PLPPR4: variants seen among roughly 807,000 people sequenced by gnomAD.
PLPPR4 encodes phospholipid phosphatase related 4.
PLPPR4 carries 24 observed loss-of-function variants against 56.6 expected under a neutral mutation model. The observed-to-expected ratio is 0.42, with a 90% CI of 0.31 to 0.60. The LOEUF (loss-of-function observed/expected upper bound fraction) is 0.60. Among genes scored for constraint, PLPPR4 ranks in the 20% least tolerant of loss-of-function variants. PLPPR4 has a pLI of 0.13. For synonymous variants in PLPPR4, 326 were observed against 328.1 expected (o/e 0.99, Z 0.07); for missense variants, 654 against 885.8 (o/e 0.74, Z 3.32).
chr1:99,264,927 T>C (rs532637191), intron 1 of PLPPR4, among the ~76,000 whole-genome samples: 41 of 152,038 alleles, frequency 2.7e-4, no homozygotes, highest in African/African-American at 7.0e-4. Context: ...CCTGTGTGAG[T>C]GAGTGTGGTT....
chr1:99,300,821 G>T, intron 4 of PLPPR4, 88 bp from the exon 5 acceptor site: 2 of 999,190 alleles, frequency 2.0e-6, no homozygotes, highest in South Asian at 1.3e-5. Context: ...CTTTTAAGTT[G>T]AACATTTTAA....
At chr1:99,305,629 A>T in intron 6 of PLPPR4, 56 bp from the exon 7 acceptor site, 7 of 1,550,604 alleles carry the variant, frequency 4.5e-6, no homozygotes, top group Non-Finnish European at 5.2e-6. Flanking sequence ...ACTCTAAGGA[A>T]ACCCTAGTGA....
chr1:99,304,155 G>A (rs1270295848), intron 6 of PLPPR4, among the ~76,000 whole-genome samples: 1 of 152,224 alleles, frequency 6.6e-6, no homozygotes, highest in Non-Finnish European at 1.5e-5. Context: ...GTCAACCATG[G>A]ACCCCATATA....
Position 99,306,921 on chromosome 1 carries a change from A to G in PLPPR4, c.2059A>G (p.Ile687Val). Residue 687 changes from isoleucine to valine, a missense_variant, in exon 7 of 7, where the codon ATT becomes GTT. Around this residue, in one of 2 missense-constraint regions of PLPPR4, gnomAD observed 468 missense variants for 554.3 expected, o/e 0.84. Transcript: ENST00000370185. This position sits in a 1 kb window ranked among gnomAD's most constrained non-coding sequence, Gnocchi z 4.0. ...CACCCTGCGGAGAAAGGGCAATATCATTCTAATCCCTGAAAGAAGCAACAG... is the reference window on the plus strand; with the variant it reads ...CACCCTGCGGAGAAAGGGCAATATCGTTCTAATCCCTGAAAGAAGCAACAG... The part of the protein sequence containing the change: ...DSTLRRKGNI[I>V]LIPERSNSPE... The G allele has an allele frequency of 6.2e-7, 1 of 1,614,088 alleles. No homozygotes were observed. Among genetic ancestry groups the G allele is most frequent in the African/African-American group, 1.3e-5 (1 of 75,042 alleles).
rs1330749783 is a variant in PLPPR4, at chr1:99,306,823, C to A, written c.1961C>A (p.Thr654Asn). 6.2e-7 allele frequency: 1 copy of A among 1,614,084 alleles called. No homozygotes were observed. Reference sequence around the variant, plus strand: ...GAGCATCACCACCACGGAATTACCACCATCCGCGTCACCCCAGTAGAGGGC... The same window carrying A: ...GAGCATCACCACCACGGAATTACCAACATCCGCGTCACCCCAGTAGAGGGC... ...SNEHHHHGIT[T>N]IRVTPVEGSE... The change falls in exon 7 of 7, where the codon ACC becomes AAC. Residue 654 changes from threonine to asparagine, a missense_variant. Thr to Asn is a moderately conservative substitution (Grantham distance 65, BLOSUM62 0). Transcript: ENST00000370185. This position sits in a 1 kb window ranked among gnomAD's most constrained non-coding sequence, Gnocchi z 4.0.
intron 1 of PLPPR4, among the ~76,000 whole-genome samples, chr1:99,283,745 A>G (rs1158396425): frequency 1.3e-5 from 2 of 152,132 alleles, no homozygotes; most frequent in African/African-American, 4.8e-5. Context: ...AGGTCAGGAG[A>G]TCAAGACCAT....
chr1:99,292,384 T>C (rs1453747615), intron 2 of PLPPR4, among the ~76,000 whole-genome samples: 1 of 152,146 alleles, frequency 6.6e-6, no homozygotes, highest in African/African-American at 2.4e-5. Context: ...TTCTGAGAGA[T>C]TTGGCATTAA....
chr1:99,293,415 C>CA (rs1273476276), intron 2 of PLPPR4, among the ~76,000 whole-genome samples: 1 of 151,886 alleles, frequency 6.6e-6, no homozygotes, highest in African/African-American at 2.4e-5. Context: ...ATTCAATTTT[C>CA]ATTTACTTTA....
chr1:99,300,711 T>G lies in PLPPR4; in HGVS notation c.591-198T>G, dbSNP rs145142207. Reference sequence around the variant, plus strand: ...TATACTGGAAACTACATCACTACTATTTGTTAATATTAATGGTGATTAGCA... The same window carrying G: ...TATACTGGAAACTACATCACTACTAGTTGTTAATATTAATGGTGATTAGCA... On this transcript the variant is annotated intron_variant, in intron 4 of 6. Coordinates refer to ENST00000370185, the MANE Select transcript of PLPPR4 (RefSeq NM_014839.5). Among the ~76,000 whole-genome samples the G allele has an allele frequency of 4.4e-3, 666 of 152,190 alleles. 1 individual carries two copies. Among genetic ancestry groups the G allele is most frequent in the Non-Finnish European group, 7.1e-3 (485 of 67,922 alleles).
At position 99,307,048 on chromosome 1, in the gene PLPPR4, A is replaced by G. The variant is rs1419406552; in HGVS notation, c.*38A>G. 5 of 1,540,912 alleles carry G rather than the reference A, an allele frequency of 3.2e-6. No homozygotes were observed. In the South Asian group the frequency reaches 3.7e-5, roughly 12 times the overall value. On this transcript the variant is annotated 3_prime_UTR_variant, in exon 7 of 7. Transcript: ENST00000370185. ...CCATCATTAGGGCTACTCGCAAAAG[A>G]CCATATGTTGATTCTACCTGTGTTC...
upstream of PLPPR4, among the ~76,000 whole-genome samples, chr1:99,263,438 G>T (rs1320926190): frequency 6.6e-6 from 1 of 152,066 alleles, no homozygotes; most frequent in Non-Finnish European, 1.5e-5. Context: ...AAGACCTATT[G>T]GAGGAGCAAC....
intron 1 of PLPPR4, among the ~76,000 whole-genome samples, chr1:99,272,749 T>A (rs1212753358): frequency 6.6e-6 from 1 of 152,152 alleles, no homozygotes; most frequent in Non-Finnish European, 1.5e-5. Flanking sequence ...TGGGAAGCAG[T>A]AAGAATATAA....
At chr1:99,302,314 CTTCT>C in intron 6 of PLPPR4, among the ~76,000 whole-genome samples, 2 of 152,032 alleles carry the variant, frequency 1.3e-5, no homozygotes, top group East Asian at 3.9e-4. Context: ...CTAATACTGA[CTTCT>C]TTAACACTAC....
chr1:99,306,621 CA>C lies in PLPPR4; in HGVS notation c.1760del (p.Gln587ArgfsTer42). ...AHPENNRPIIQIPSTEGEGSG... is the reference protein window; with the variant it reads ...AHPENNRPIIXIPSTEGEGSG... ...CCCAGAGAACAACAGGCCCATCATA[CA>C]GATCCCGTCCACTGAAGGTGAAGGC... On this transcript the variant is annotated frameshift_variant, in exon 7 of 7. Transcript: ENST00000370185. LOFTEE classifies it high-confidence loss of function. This position sits in a 1 kb window ranked among gnomAD's most constrained non-coding sequence, Gnocchi z 4.0. The C allele has an allele frequency of 1.2e-6, 2 of 1,614,120 alleles. No homozygotes were observed. Among genetic ancestry groups the C allele is most frequent in the South Asian group, 2.2e-5 (2 of 91,072 alleles).
intron 5 of PLPPR4, among the ~76,000 whole-genome samples, chr1:99,301,463 G>A (rs1218106551): frequency 2.6e-5 from 4 of 152,016 alleles, no homozygotes; most frequent in African/African-American, 9.7e-5. Flanking sequence ...TATACGACAA[G>A]TAACATGGAG....
chr1:99,298,512 C>T (rs1376080990), intron 3 of PLPPR4, among the ~76,000 whole-genome samples: 3 of 152,114 alleles, frequency 2.0e-5, no homozygotes, highest in Admixed American at 2.0e-4. Context: ...ATACGATTGT[C>T]ATTTCCACGT....
In PLPPR4 at chr1:99,289,617, T is replaced by C. The variant is rs78581668; in HGVS notation, c.264+1467T>C. Among the ~76,000 whole-genome samples, 603 of 152,208 alleles carry C rather than the reference T, an allele frequency of 4.0e-3. 1 individual carries two copies. The highest frequency in any genetic ancestry group is 6.8e-3 in the Middle Eastern group (2 of 294). On this transcript the variant is annotated intron_variant, in intron 2 of 6. Transcript: ENST00000370185. Reference sequence around the variant, plus strand: ...TCAGAATAACATTATTTTCCTATTATTTACTGAAGTTTTAACAAAAAATTC... The same window carrying C: ...TCAGAATAACATTATTTTCCTATTACTTACTGAAGTTTTAACAAAAAATTC...
intron 1 of PLPPR4, among the ~76,000 whole-genome samples, chr1:99,265,144 G>C (rs1658858283): frequency 7.1e-6 from 1 of 140,816 alleles, no homozygotes; most frequent in Non-Finnish European, 1.6e-5. Flanking sequence ...TATTGCTCCT[G>C]CCCCCCCCCC....
chr1:99,267,582 G>A (rs184481878), intron 1 of PLPPR4, among the ~76,000 whole-genome samples: 48 of 152,244 alleles, frequency 3.2e-4, no homozygotes, highest in African/African-American at 8.7e-4. Flanking sequence ...TGAGGTTAAA[G>A]GATCATGACT....
Sources: allele counts gnomAD v4.1 joint callset (sites outside exome capture counted in the v4.1 genomes callset), GRCh38; gene constraint gnomAD v4.1.1; regional missense constraint gnomAD v4.1.1; non-coding constraint Gnocchi (gnomAD v3.1); transcripts MANE v1.5; gene names NCBI Gene and HGNC (gene_info 2026-07-23, HGNC 2026-07-21).